CARMIL1: variants seen among roughly 807,000 people sequenced by gnomAD.
CARMIL1 encodes the protein F-actin-uncapping protein LRRC16A.
Under a neutral mutation model 177.1 loss-of-function variants are expected in CARMIL1, and 90 were observed. The ratio of observed to expected loss-of-function variants is 0.51; its 90% confidence interval spans 0.43 to 0.61. The LOEUF (loss-of-function observed/expected upper bound fraction) is 0.61. Among genes scored for constraint, CARMIL1 ranks in the 20% least tolerant of loss-of-function variants. The pLI is 0.00. For synonymous variants in CARMIL1, 577 were observed against 606.2 expected (o/e 0.95, Z 0.71); for missense variants, 1,380 against 1,667.0 (o/e 0.83, Z 3.00).
intron 2 of CARMIL1, among the ~76,000 whole-genome samples, chr6:25,363,741 T>C (rs755923750): frequency 5.8e-4 from 88 of 152,242 alleles, no homozygotes; most frequent in Middle Eastern, 6.8e-3. Context: ...AAAAATCATG[T>C]ATAGTTTTAT....
intron 15 of CARMIL1, among the ~76,000 whole-genome samples, chr6:25,492,916 C>T (rs1372073192): frequency 6.6e-6 from 1 of 152,068 alleles, no homozygotes; most frequent in Non-Finnish European, 1.5e-5. Flanking sequence ...CAAAAATATG[C>T]CACAAATACC....
At chr6:25,354,261 G>C in intron 2 of CARMIL1, among the ~76,000 whole-genome samples, 1 of 151,120 alleles carries the variant, frequency 6.6e-6, no homozygotes, top group East Asian at 1.9e-4. Context: ...CTGGACTCAA[G>C]TGATCCTCCT....
chr6:25,330,275 A>G (rs1435420554), intron 2 of CARMIL1, among the ~76,000 whole-genome samples: 1 of 152,164 alleles, frequency 6.6e-6, no homozygotes, highest in Non-Finnish European at 1.5e-5. Flanking sequence ...GACTGAGTTG[A>G]GCCTTAAGGC....
intron 6 of CARMIL1, 62 bp from the exon 7 acceptor site, chr6:25,450,277 A>G: frequency 8.2e-7 from 1 of 1,226,830 alleles, no homozygotes; most frequent in Non-Finnish European, 1.2e-6. Context: ...TTTAAGCTTT[A>G]AAATTTTAAT....
At chr6:25,491,886 A>C (rs1803273065) in intron 14 of CARMIL1, 62 bp from the exon 15 acceptor site, 6 of 1,559,458 alleles carry the variant, frequency 3.8e-6, no homozygotes, top group Non-Finnish European at 5.3e-6. Flanking sequence ...GGGGACCTCT[A>C]ATAAAAGATT....
intron 2 of CARMIL1, among the ~76,000 whole-genome samples, chr6:25,328,315 G>C (rs1393245774): frequency 6.6e-6 from 1 of 152,022 alleles, no homozygotes; most frequent in Non-Finnish European, 1.5e-5. Context: ...AATTAGTTTT[G>C]TTAGCAAGTA....
chr6:25,566,376 AC>A (rs1213181064), intron 29 of CARMIL1, among the ~76,000 whole-genome samples: 1 of 152,030 alleles, frequency 6.6e-6, no homozygotes, highest in Non-Finnish European at 1.5e-5. Context: ...CCCTCCAGCC[AC>A]TGGTGCTTTT....
intron 5 of CARMIL1, among the ~76,000 whole-genome samples, chr6:25,438,293 A>C (rs1581940320): frequency 6.6e-6 from 1 of 152,270 alleles, no homozygotes; most frequent in African/African-American, 2.4e-5. Flanking sequence ...TTGATTTTCT[A>C]CTATATGCTA....
intron 29 of CARMIL1, among the ~76,000 whole-genome samples, chr6:25,574,535 C>A (rs1481155165): frequency 6.6e-6 from 1 of 152,234 alleles, no homozygotes; most frequent in Non-Finnish European, 1.5e-5. Flanking sequence ...CATTTGACCA[C>A]TACTAACAAT....
Position 25,606,195 on chromosome 6 carries a change from C to T in CARMIL1, c.3769C>T (p.Pro1257Ser), listed in dbSNP as rs1399259269. ...SSSSTPTSPK[P>S]LLQSPKPSLA... ...ATCCAGCACACCTACGAGCCCGAAG[C>T]CCCTCCTGCAGTCCCCCAAACCCAG... The change falls in exon 35 of 37, where the codon CCC (proline) becomes TCC (serine). Residue 1257 changes from proline (P) to serine (S), a missense_variant. Pro to Ser is a moderately conservative substitution (Grantham distance 74). Transcript: ENST00000329474. 2 of 1,613,864 alleles carry T rather than the reference C, an allele frequency of 1.2e-6. No homozygotes were observed. Among genetic ancestry groups the T allele is most frequent in the Admixed American group, 1.7e-5 (1 of 59,992 alleles).
intron 34 of CARMIL1, 95 bp downstream of exon 34, chr6:25,604,988 G>A: frequency 1.1e-6 from 1 of 922,702 alleles, no homozygotes; most frequent in Non-Finnish European, 1.7e-6. Context: ...TAAACAGGGA[G>A]GCAAGAACTG....
At chr6:25,492,341 G>A (rs986383081) in intron 15 of CARMIL1, among the ~76,000 whole-genome samples, 1 of 152,180 alleles carries the variant, frequency 6.6e-6, no homozygotes, top group Non-Finnish European at 1.5e-5. Flanking sequence ...TTTCTCACGG[G>A]TGAGCTTGGA....
At chr6:25,451,416 T>C (rs1798910152) in intron 8 of CARMIL1, among the ~76,000 whole-genome samples, 1 of 152,230 alleles carries the variant, frequency 6.6e-6, no homozygotes, top group Non-Finnish European at 1.5e-5. Flanking sequence ...AGTTTATGAA[T>C]TGGGCATTGG....
intron 26 of CARMIL1, among the ~76,000 whole-genome samples, chr6:25,540,874 T>C (rs1375226418): frequency 6.6e-6 from 1 of 152,250 alleles, no homozygotes; most frequent in Non-Finnish European, 1.5e-5. Context: ...TTTGAAAATT[T>C]AAGTTAATGA....
chr6:25,339,993 G>C (rs1786731624), intron 2 of CARMIL1, among the ~76,000 whole-genome samples: 1 of 152,160 alleles, frequency 6.6e-6, no homozygotes, highest in Non-Finnish European at 1.5e-5. Flanking sequence ...ATCATGCCTA[G>C]TCTGCCTGCA....
intron 32 of CARMIL1, among the ~76,000 whole-genome samples, chr6:25,594,849 C>T (rs1437708233): frequency 6.6e-6 from 1 of 152,162 alleles, no homozygotes; most frequent in Non-Finnish European, 1.5e-5. Flanking sequence ...TAAACCAGAC[C>T]ACAAAATATA....
Position 25,515,827 on chromosome 6 carries a change from G to A in CARMIL1, c.1785G>A (p.Leu595=). 1.2e-6 allele frequency: 2 copies of A among 1,607,626 alleles called. 1 individual carries two copies. Among genetic ancestry groups the A allele is most frequent in the South Asian group, 2.2e-5 (2 of 89,382 alleles). ...GAGCGAAGATGCTGGCCAAAGCACT[G>A]CAGATCAACACTAAGCTCAGGTAGG... ...DMGAKMLAKA[L]QINTKLRTVI... is the part of the protein sequence containing the mutation. The change falls in exon 21 of 37, where the codon CTG becomes CTA. Residue 595 remains leucine (L), a synonymous_variant. Transcript: ENST00000329474. The surrounding 1 kb of genome is among the most constrained non-coding windows in gnomAD (Gnocchi z 5.0).
intron 8 of CARMIL1, among the ~76,000 whole-genome samples, chr6:25,459,725 A>G (rs1799973224): frequency 6.6e-6 from 1 of 152,210 alleles, no homozygotes; most frequent in African/African-American, 2.4e-5. Context: ...AAAAGATGTT[A>G]ATACTGGATC....
intron 16 of CARMIL1, among the ~76,000 whole-genome samples, chr6:25,498,123 T>A (rs1483453768): frequency 6.6e-6 from 1 of 152,148 alleles, no homozygotes; most frequent in Non-Finnish European, 1.5e-5. Context: ...TTCCTGGACA[T>A]CCCCTTTCTC....
Sources: gnomAD v4.1 joint callset for allele counts (sites outside exome capture counted in the v4.1 genomes callset) on GRCh38, gnomAD v4.1.1 for gene constraint, Gnocchi (gnomAD v3.1) non-coding constraint, MANE v1.5 for transcripts, NCBI Gene and HGNC (gene_info 2026-07-23, HGNC 2026-07-21) for gene names.